IDO2: variants seen among roughly 807,000 people sequenced by gnomAD.
IDO2 encodes the protein indoleamine 2,3-dioxygenase 2.
A neutral mutation model predicts 45.1 loss-of-function variants in IDO2; 46 were observed. The observed-to-expected ratio is 1.02, with a 90% CI of 0.80 to 1.30. The LOEUF is 1.30. IDO2 is among the 50% of genes most tolerant of loss of function. The pLI is 0.00. For synonymous variants in IDO2, 218 were observed against 184.9 expected (o/e 1.18, Z -1.45); for missense variants, 544 against 491.8 (o/e 1.11, Z -1.00).
intron 3 of IDO2, among the ~76,000 whole-genome samples, chr8:39,974,793 C>T (rs1205100489): frequency 6.6e-6 from 1 of 152,130 alleles, no homozygotes. Flanking sequence ...TGGTGGCACG[C>T]ACCTGTAGTC....
intron 10 of IDO2, 39 bp from the exon 11 acceptor site, chr8:40,015,208 A>G: frequency 8.6e-7 from 1 of 1,158,148 alleles, no homozygotes. Context: ...CTATATTTCC[A>G]TGTGGAGCTA....
chr8:39,991,568 T>C (rs980086019), intron 8 of IDO2, among the ~76,000 whole-genome samples: 7 of 142,596 alleles, frequency 4.9e-5, no homozygotes, highest in Admixed American at 2.1e-4. Context: ...CTCACTTCTT[T>C]TTTTTTTTTT....
chr8:39,975,573 T>G (rs2129594246), intron 3 of IDO2, among the ~76,000 whole-genome samples: 1 of 152,218 alleles, frequency 6.6e-6, no homozygotes, highest in East Asian at 1.9e-4. Flanking sequence ...GTTAAAACCA[T>G]AATGGGATAG....
rs551864204 is a variant in IDO2, at chr8:39,973,835, G to A, written c.196-5232G>A. 3.9e-4 allele frequency among the ~76,000 whole-genome samples: 59 copies of A among 151,248 alleles called. No homozygotes were observed. In the East Asian group the frequency reaches 6.3e-3, roughly 16 times the overall value. The stretch of plus-strand genomic sequence containing the variant: ...CGGCTCACTGCAACCTCCACTTCCC[G>A]GGTTCAAGCGATTCTCCTGCCTCAG... On this transcript the variant is annotated intron_variant, in intron 3 of 10. Transcript: ENST00000502986.
At chr8:39,955,181 A>G (rs1807872489) in intron 2 of IDO2, among the ~76,000 whole-genome samples, 1 of 149,584 alleles carries the variant, frequency 6.7e-6, no homozygotes. Flanking sequence ...ATATTCTGGC[A>G]TGCTAGATGG....
intron 1 of IDO2, among the ~76,000 whole-genome samples, chr8:39,941,221 C>CAAA (rs59745370): frequency 0.16 from 12,501 of 80,206 alleles, 1,775 homozygotes; most frequent in East Asian, 0.29. Flanking sequence ...GACTCCATCT[C>CAAA]AAAAAAAAAA....
At chr8:39,966,201 G>A (rs1206269717) in intron 3 of IDO2, among the ~76,000 whole-genome samples, 2 of 151,758 alleles carry the variant, frequency 1.3e-5, no homozygotes, top group African/African-American at 4.8e-5. Flanking sequence ...TGTAATTTTT[G>A]TATTTGTAGT....
rs144996453 is a variant in IDO2 at position 39,974,791 on chromosome 8, C to T, written c.196-4276C>T. ...CAAAAATTAGCTGGGCGTGGTGGCA[C>T]GCACCTGTAGTCCCATCTACTTGGG... is the stretch of plus-strand genomic sequence containing the variant. On this transcript the variant is annotated intron_variant, in intron 3 of 10. Transcript: ENST00000502986. Among the ~76,000 whole-genome samples, 12 of 152,180 alleles carry T rather than the reference C, an allele frequency of 7.9e-5. No individual in the cohort carries two copies. In the South Asian group the frequency reaches 8.3e-4, roughly 11 times the overall value.
At chr8:40,000,306 A>G (rs1021225678) in intron 8 of IDO2, among the ~76,000 whole-genome samples, 2 of 152,078 alleles carry the variant, frequency 1.3e-5, no homozygotes, top group East Asian at 3.9e-4. Context: ...GTTACTCAGG[A>G]AGCTGAGGCA....
intron 10 of IDO2, among the ~76,000 whole-genome samples, chr8:40,014,761 A>G (rs562567454): frequency 1.6e-4 from 24 of 152,338 alleles, no homozygotes; most frequent in African/African-American, 5.8e-4. Flanking sequence ...ACTGTTAGAA[A>G]TATACATTTG....
chr8:39,961,621 C>A (rs963335228), intron 2 of IDO2, among the ~76,000 whole-genome samples: 1 of 152,092 alleles, frequency 6.6e-6, no homozygotes, highest in African/African-American at 2.4e-5. Context: ...CGTGCCCAGC[C>A]CCAATTGTAT....
chr8:39,954,931 A>G (rs1023041971), intron 2 of IDO2, among the ~76,000 whole-genome samples: 5 of 151,740 alleles, frequency 3.3e-5, no homozygotes, highest in Admixed American at 2.0e-4. Flanking sequence ...TGCTAGGATT[A>G]CAGGCATAAG....
chr8:40,014,489 C>T (rs1188020930), intron 10 of IDO2, among the ~76,000 whole-genome samples: 2 of 152,094 alleles, frequency 1.3e-5, no homozygotes, highest in Non-Finnish European at 2.9e-5. Flanking sequence ...TTTTTGCCTT[C>T]ACGGGCTTTA....
chr8:39,978,290 A>T (rs1263550264), intron 3 of IDO2, among the ~76,000 whole-genome samples: 1 of 152,196 alleles, frequency 6.6e-6, no homozygotes, highest in South Asian at 2.1e-4. Flanking sequence ...GGAGGGGACC[A>T]CCCGGGAAGA....
At chr8:40,004,659 C>T (rs554191056) in intron 8 of IDO2, among the ~76,000 whole-genome samples, 1 of 149,362 alleles carries the variant, frequency 6.7e-6, no homozygotes, top group African/African-American at 2.5e-5. Context: ...CAGAGGGGTC[C>T]CACTACGTGA....
chr8:39,954,240 C>T (rs1807856212), intron 2 of IDO2, among the ~76,000 whole-genome samples: 1 of 152,172 alleles, frequency 6.6e-6, no homozygotes, highest in African/African-American at 2.4e-5. Context: ...TGCACTTTTG[C>T]TTTTGGTTTG....
chr8:39,980,407 G>T (rs1808325643), intron 4 of IDO2, among the ~76,000 whole-genome samples: 2 of 151,830 alleles, frequency 1.3e-5, no homozygotes, highest in African/African-American at 4.8e-5. Flanking sequence ...TTTTAATACT[G>T]CTTTCTATCC....
chr8:39,984,087 CT>C (rs1808390668), intron 5 of IDO2, among the ~76,000 whole-genome samples: 1 of 152,006 alleles, frequency 6.6e-6, no homozygotes, highest in African/African-American at 2.4e-5. Context: ...GTTCAAGGTA[CT>C]GAATATTGAA....
chr8:40,013,585 T>C (rs1802340101), exon 10 of IDO2: 2 of 1,613,476 alleles, frequency 1.2e-6, no homozygotes, highest in Non-Finnish European at 1.7e-6. Context: ...AACCCAGCAA[T>C]GCCTGCAGGG....
Sources: allele counts gnomAD v4.1 joint callset (sites outside exome capture counted in the v4.1 genomes callset), GRCh38; gene constraint gnomAD v4.1.1; transcripts MANE v1.5; gene names NCBI Gene and HGNC (gene_info 2026-07-23, HGNC 2026-07-21).